TPRG1: variants seen among roughly 807,000 people sequenced by gnomAD.
TPRG1 encodes the protein tumor protein p63 regulated 1, also known as tumor protein p63-regulated gene 1 protein.
TPRG1 carries 29 observed loss-of-function variants against 29.3 expected under a neutral mutation model. The observed-to-expected ratio is 0.99, with a 90% CI of 0.74 to 1.35. The LOEUF is 1.35. Ranked by LOEUF, TPRG1 falls within the 40% of genes most tolerant of loss-of-function variation. The pLI is 0.00. For missense variants in TPRG1, 327 were observed against 335.0 expected (o/e 0.98, Z 0.19); for synonymous variants, 130 against 116.8 (o/e 1.11, Z -0.73).
At chr3:189,263,196 T>C (rs1713445550) in intron 4 of TPRG1, among the ~76,000 whole-genome samples, 1 of 152,222 alleles carries the variant, frequency 6.6e-6, no homozygotes, top group Admixed American at 6.5e-5. Flanking sequence ...CTTTCAGGAT[T>C]TCAGCTTTTA....
chr3:189,319,613 C>G (rs1010434636), intron 5 of TPRG1, among the ~76,000 whole-genome samples: 1 of 152,060 alleles, frequency 6.6e-6, no homozygotes, highest in Non-Finnish European at 1.5e-5. Flanking sequence ...GCCTGGACTC[C>G]TGAAGTGAAC....
intron 3 of TPRG1, among the ~76,000 whole-genome samples, chr3:189,141,189 A>G (rs999778698): frequency 2.0e-5 from 3 of 152,226 alleles, no homozygotes; most frequent in Admixed American, 2.0e-4. Context: ...TTCCATCCTT[A>G]TACATCTCTT....
rs1485830696 is a variant in TPRG1 at position 189,215,296 on chromosome 3, G to A, written c.215G>A (p.Gly72Glu). Reference protein sequence around the residue: ...ISRKYFATRPGAIETAMEDLK... With the variant: ...ISRKYFATRPEAIETAMEDLK... ...TATTTTCTCCTTTCCACACAGCCGG[G>A]GGCCATTGAGACTGCCATGGAAGAC... Residue 72 changes from glycine to glutamate, a missense_variant, in exon 3 of 6, where the codon GGG becomes GAG. Physicochemically the swap from Gly to Glu is moderately conservative, Grantham distance 98. Coordinates refer to ENST00000345063, the MANE Select transcript of TPRG1 (RefSeq NM_198485.4). 1.2e-6 allele frequency: 2 copies of A among 1,611,716 alleles called. No homozygotes were observed.
At chr3:189,286,303 T>A (rs11928740) in intron 4 of TPRG1, among the ~76,000 whole-genome samples, 17,159 of 151,964 alleles carry the variant, frequency 0.11, 2,646 homozygotes, top group African/African-American at 0.35. Context: ...TCTGTTTTAT[T>A]TTTTTTATAT....
chr3:189,057,792 A>G (rs1026598601), intron 4 of TPRG1, among the ~76,000 whole-genome samples: 6 of 146,696 alleles, frequency 4.1e-5, no homozygotes, highest in African/African-American at 1.5e-4. Context: ...ATGTATATTT[A>G]TGGGTATGTA....
At chr3:189,062,710 A>ATATG (rs1252206657) in intron 4 of TPRG1, among the ~76,000 whole-genome samples, 5 of 152,082 alleles carry the variant, frequency 3.3e-5, no homozygotes, top group Non-Finnish European at 5.9e-5. Flanking sequence ...ATAATAAGCC[A>ATATG]TATGTATATG....
At chr3:189,301,444 A>G (rs1312417334) in intron 4 of TPRG1, among the ~76,000 whole-genome samples, 1 of 152,214 alleles carries the variant, frequency 6.6e-6, no homozygotes, top group Non-Finnish European at 1.5e-5. Context: ...TGAGAAAAAT[A>G]CAACTAATTC....
At chr3:189,219,518 GAAA>G (rs5855244) in intron 3 of TPRG1, 1,419 of 956,224 alleles carry the variant, frequency 1.5e-3, no homozygotes, top group Admixed American at 2.6e-3. Flanking sequence ...TGGCCCTTCT[GAAA>G]AAAAAAAAAA....
chr3:189,073,496 G>A lies in TPRG1; in HGVS notation c.-463+49550G>A, dbSNP rs1716929403. ...AGTAGAGAACTAAGTTATTTGAATA[G>A]GTATCTTTTTTTCCCATTTAGTGTG... On this transcript the variant is annotated intron_variant, in intron 4 of 10. Transcript: ENST00000433971. Among the ~76,000 whole-genome samples the A allele has an allele frequency of 2.6e-5, 4 of 152,044 alleles. No homozygotes were observed. The South Asian group carries it at 8.3e-4, about 32-fold the overall frequency.
intron 5 of TPRG1, chr3:189,313,062 T>A (rs1722960509): frequency 6.6e-6 from 1 of 150,864 alleles, no homozygotes; most frequent in East Asian, 1.9e-4. Context: ...TTTTTTTTTT[T>A]TCCTTTAGCA....
intron 1 of TPRG1, among the ~76,000 whole-genome samples, chr3:189,198,542 G>A (rs1732935565): frequency 6.6e-6 from 1 of 152,230 alleles, no homozygotes; most frequent in Admixed American, 6.5e-5. Context: ...CACTCGCTGT[G>A]TATGAGGAAA....
At chr3:189,122,135 A>G (rs1721899676) in intron 1 of TPRG1, among the ~76,000 whole-genome samples, 1 of 152,124 alleles carries the variant, frequency 6.6e-6, no homozygotes, top group Middle Eastern at 3.4e-3. Flanking sequence ...TGACAATAGT[A>G]TATTTATATT....
At chr3:189,047,018 C>G (rs190852213) in intron 4 of TPRG1, among the ~76,000 whole-genome samples, 2 of 152,096 alleles carry the variant, frequency 1.3e-5, no homozygotes, top group Non-Finnish European at 2.9e-5. Context: ...AATGAAGTAT[C>G]CTGGAATTGA....
chr3:189,004,646 G>T (rs796225540), exon 3 of TPRG1: 1 of 152,068 alleles, frequency 6.6e-6, no homozygotes, highest in African/African-American at 2.4e-5. Flanking sequence ...AGAACCCTTC[G>T]CAAACCTGCT....
intron 5 of TPRG1, among the ~76,000 whole-genome samples, chr3:189,153,635 C>A (rs1193528929): frequency 6.6e-6 from 1 of 152,124 alleles, no homozygotes; most frequent in African/African-American, 2.4e-5. Flanking sequence ...CTGTTAGCTG[C>A]AGCACCTGCC....
At chr3:189,195,293 T>G (rs1386115723) in intron 1 of TPRG1, among the ~76,000 whole-genome samples, 4 of 152,254 alleles carry the variant, frequency 2.6e-5, no homozygotes, top group African/African-American at 9.6e-5. Context: ...GAGGTGTGGC[T>G]TCTCTTAGTG....
intron 4 of TPRG1, among the ~76,000 whole-genome samples, chr3:189,296,345 A>G (rs1719912110): frequency 6.6e-6 from 1 of 152,248 alleles, no homozygotes; most frequent in South Asian, 2.1e-4. Context: ...ATTAGAAATT[A>G]TATTTGATGG....
intron 5 of TPRG1, among the ~76,000 whole-genome samples, chr3:189,152,729 G>A (rs1726123042): frequency 6.6e-6 from 1 of 150,618 alleles, no homozygotes; most frequent in Non-Finnish European, 1.5e-5. Flanking sequence ...TAAAAAGTAG[G>A]ATTGCTACCC....
At chr3:189,192,357 A>G (rs1412513106) in intron 1 of TPRG1, among the ~76,000 whole-genome samples, 2 of 152,220 alleles carry the variant, frequency 1.3e-5, no homozygotes, top group Non-Finnish European at 2.9e-5. Flanking sequence ...CAGCTAATAC[A>G]TAATGAATGC....
Sources: allele counts gnomAD v4.1 joint callset (sites outside exome capture counted in the v4.1 genomes callset), GRCh38; gene constraint gnomAD v4.1.1; transcripts MANE v1.5; gene names NCBI Gene and HGNC (gene_info 2026-07-23, HGNC 2026-07-21).